The following PTPRT variants were observed in gnomAD, a reference collection of about 807,000 sequenced individuals.
PTPRT encodes the protein protein tyrosine phosphatase receptor type T.
PTPRT carries 56 observed loss-of-function variants against 176.8 expected under a neutral mutation model. That is an observed-to-expected ratio of 0.32 (90% CI 0.26 to 0.40). The LOEUF (loss-of-function observed/expected upper bound fraction) is 0.40, where lower values mean the gene tolerates loss of function less well. Ranked by LOEUF, PTPRT falls within the 10% of genes least tolerant of loss-of-function variation. The probability of loss-of-function intolerance (pLI) is 1.00; values close to 1 mark genes in which losing one functional copy is unlikely to be tolerated. For missense variants in PTPRT, 1,540 were observed against 1,908.2 expected, an observed-to-expected ratio of 0.81 and a Z score of 3.60; for synonymous variants, 783 against 739.0, an observed-to-expected ratio of 1.06 and a Z score of -0.96.
chr20:42,236,119 A>G (rs374970221), intron 15 of PTPRT, 110 bp downstream of exon 15: 1 of 956,092 alleles, frequency 1.0e-6, no homozygotes, highest in Admixed American at 2.4e-5. Context: ...CAGACAACTT[A>G]GACAGAAGTG....
intron 2 of PTPRT, among the ~76,000 whole-genome samples, chr20:42,873,606 C>A (rs1430226015): frequency 6.6e-6 from 1 of 152,076 alleles, no homozygotes; most frequent in Non-Finnish European, 1.5e-5. Flanking sequence ...TTATCTAACC[C>A]AATACATCTA....
chr20:42,097,253 G>A (rs1465613652), intron 27 of PTPRT, among the ~76,000 whole-genome samples: 1 of 152,204 alleles, frequency 6.6e-6, no homozygotes, highest in East Asian at 1.9e-4. Context: ...GGGCTCTGCT[G>A]CATTTTTCAG....
intron 11 of PTPRT, among the ~76,000 whole-genome samples, chr20:42,337,890 A>G (rs2058062278): frequency 6.6e-6 from 1 of 152,172 alleles, no homozygotes; most frequent in African/African-American, 2.4e-5. Flanking sequence ...CCTGATGCCT[A>G]CTAAATAGAG....
intron 12 of PTPRT, among the ~76,000 whole-genome samples, chr20:42,305,870 T>G (rs1773544384): frequency 6.6e-6 from 1 of 152,194 alleles, no homozygotes; most frequent in African/African-American, 2.4e-5. Context: ...TTCTCTACTT[T>G]TTCACCATCT....
At chr20:43,066,991 C>T (rs1471469344) in intron 1 of PTPRT, among the ~76,000 whole-genome samples, 1 of 152,162 alleles carries the variant, frequency 6.6e-6, no homozygotes, top group Non-Finnish European at 1.5e-5. Flanking sequence ...GAAATGTTTG[C>T]TGAGCCCTGT....
At chr20:42,436,440 A>G (rs2059262799) in intron 9 of PTPRT, among the ~76,000 whole-genome samples, 1 of 152,210 alleles carries the variant, frequency 6.6e-6, no homozygotes, top group South Asian at 2.1e-4. Flanking sequence ...ATGAAATACA[A>G]TATTCTACCT....
Position 42,377,657 on chromosome 20 carries a change from C to T in PTPRT, c.1561-25372G>A, listed in dbSNP as rs77793503. 4.0e-3 allele frequency among the ~76,000 whole-genome samples: 614 copies of T among 152,304 alleles called. 4 individuals carry two copies. Among genetic ancestry groups the T allele is most frequent in the African/African-American group, 0.014 (589 of 41,562 alleles). On this transcript the variant is annotated intron_variant, in intron 9 of 30. Coordinates refer to ENST00000373187, the MANE Select transcript of PTPRT (RefSeq NM_007050.6). ...AGTACCACTGACCTCAACCTAAAAC[C>T]TCAACCTAACAAACGACCTCAACCT...
chr20:42,480,601 G>C (rs1280844548), intron 7 of PTPRT, among the ~76,000 whole-genome samples: 1 of 152,152 alleles, frequency 6.6e-6, no homozygotes, highest in Non-Finnish European at 1.5e-5. Context: ...CTGATGCTAG[G>C]GGGATGCAAT....
At chr20:42,724,703 C>G (rs1019564539) in intron 6 of PTPRT, among the ~76,000 whole-genome samples, 14 of 152,172 alleles carry the variant, frequency 9.2e-5, no homozygotes, top group Admixed American at 8.5e-4. Context: ...GAGGCCAAGA[C>G]AGGAGGATCA....
chr20:42,926,885 C>T (rs1037012682), intron 1 of PTPRT, among the ~76,000 whole-genome samples: 1 of 152,184 alleles, frequency 6.6e-6, no homozygotes, highest in African/African-American at 2.4e-5. Flanking sequence ...ATCATTATTA[C>T]TGATGGAGCA....
chr20:42,657,750 C>A (rs2075150547), intron 7 of PTPRT, among the ~76,000 whole-genome samples: 1 of 152,162 alleles, frequency 6.6e-6, no homozygotes, highest in Non-Finnish European at 1.5e-5. Flanking sequence ...GGAAGAGGGA[C>A]AACCTTGCTC....
intron 2 of PTPRT, among the ~76,000 whole-genome samples, chr20:42,850,458 C>T (rs542539183): frequency 6.6e-6 from 1 of 152,314 alleles, no homozygotes; most frequent in East Asian, 1.9e-4. Context: ...TGGACTGTGG[C>T]TCATTATGGC....
chr20:42,101,357 ATGGC>A (rs1433772229), intron 26 of PTPRT, among the ~76,000 whole-genome samples: 1 of 152,166 alleles, frequency 6.6e-6, no homozygotes, highest in African/African-American at 2.4e-5. Context: ...TGAAAAGTGC[ATGGC>A]TGGTAGTAGA....
At chr20:42,037,792 A>T in the PTPRT span, among the ~76,000 whole-genome samples, 1 of 152,148 alleles carries the variant, frequency 6.6e-6, no homozygotes, top group Non-Finnish European at 1.5e-5. Flanking sequence ...ACATTTGGCA[A>T]ACTCTTCCCT....
At chr20:42,611,429 C>T (rs1188147440) in intron 7 of PTPRT, among the ~76,000 whole-genome samples, 2 of 152,174 alleles carry the variant, frequency 1.3e-5, no homozygotes, top group Non-Finnish European at 2.9e-5. Flanking sequence ...AGGGCAGGCA[C>T]TACCATCCCA....
intron 17 of PTPRT, among the ~76,000 whole-genome samples, chr20:42,146,675 T>C (rs1600587668): frequency 6.6e-6 from 1 of 152,192 alleles, no homozygotes; most frequent in East Asian, 1.9e-4. Flanking sequence ...TTGTTTTGGG[T>C]TTGTCCCCTC....
In PTPRT at chr20:42,955,670, A is replaced by C. The variant is rs866590213; in HGVS notation, c.89-69738T>G. Among the ~76,000 whole-genome samples the C allele has an allele frequency of 8.3e-4, 126 of 152,266 alleles. 1 individual carries two copies. Among genetic ancestry groups the C allele is most frequent in the African/African-American group, 2.9e-3 (119 of 41,552 alleles). On this transcript the variant is annotated intron_variant, in intron 1 of 30. Transcript: ENST00000373187. ...TACTGTCCTCATTTTCCAGACGCAA[A>C]GGCTGAGGCTCACGAAGACTACCTG...
intron 11 of PTPRT, among the ~76,000 whole-genome samples, chr20:42,334,005 C>G (rs1473658588): frequency 6.6e-6 from 1 of 152,156 alleles, no homozygotes; most frequent in Non-Finnish European, 1.5e-5. Flanking sequence ...ATTTCTAATA[C>G]AGTAAACATT....
At chr20:42,539,638 TA>T (rs1039767322) in intron 7 of PTPRT, among the ~76,000 whole-genome samples, 15 of 135,558 alleles carry the variant, frequency 1.1e-4, no homozygotes, top group Middle Eastern at 3.6e-3. Flanking sequence ...TGTTGACAAC[TA>T]AAAAAAAAAC....
Sources: gnomAD v4.1 joint callset for allele counts (sites outside exome capture counted in the v4.1 genomes callset) on GRCh38, gnomAD v4.1.1 for gene constraint, MANE v1.5 for transcripts, NCBI Gene and HGNC (gene_info 2026-07-23, HGNC 2026-07-21) for gene names.